Variants in TNNI1 observed in about 807,000 individuals in gnomAD.
TNNI1 encodes the protein troponin I1, slow skeletal type, also known as troponin I, slow skeletal muscle.
TNNI1 carries 14 observed loss-of-function variants against 26.7 expected under a neutral mutation model. That is an observed-to-expected ratio of 0.52 (90% CI 0.35 to 0.82). The LOEUF is 0.82. Among genes scored for constraint, TNNI1 ranks in the 40% least tolerant of loss-of-function variants. The pLI is 0.01. For synonymous variants in TNNI1, 79 were observed against 98.2 expected (o/e 0.80, Z 1.16); for missense variants, 164 against 257.0 (o/e 0.64, Z 2.47).
Position 201,404,390 on chromosome 1 carries a change from G to A in TNNI1, c.*4863C>T, listed in dbSNP as rs1282571216. 1.3e-5 allele frequency: 2 copies of A among 152,202 alleles called. No individual in the cohort carries two copies. The highest frequency in any genetic ancestry group is 4.8e-5 in the African/African-American group (2 of 41,452). The allele number at this position is 152,202 out of a possible 1,614,324, so 9.4% of individuals were successfully genotyped here. On this transcript the variant is annotated 3_prime_UTR_variant, in exon 9 of 9. Transcript: ENST00000361379. ...TTGTGGCACTCTTAGGGGAAGGGAA[G>A]AAATGAATGAGGTGATAAGACCCAC...
chr1:201,412,306 C>T (rs1255772515), intron 6 of TNNI1, among the ~76,000 whole-genome samples: 1 of 152,156 alleles, frequency 6.6e-6, no homozygotes, highest in Non-Finnish European at 1.5e-5. Context: ...GTCCTAGACC[C>T]CTGGAGGAAT....
intron 2 of TNNI1, 73 bp from the exon 3 acceptor site, chr1:201,417,192 T>C (rs2102373162): frequency 1.9e-6 from 3 of 1,603,764 alleles, no homozygotes; most frequent in South Asian, 2.2e-5. Context: ...GAGGATTACA[T>C]GTGCAGTCGC....
intron 3 of TNNI1, 92 bp downstream of exon 3, chr1:201,417,024 G>T (rs1314948802): frequency 2.3e-5 from 34 of 1,510,428 alleles, no homozygotes; most frequent in Non-Finnish European, 3.0e-5. Flanking sequence ...CTTAACACAG[G>T]CTCTTCCCTC....
At chr1:201,410,109 G>C in intron 8 of TNNI1, 1 of 501,208 alleles carries the variant, frequency 2.0e-6, no homozygotes. Context: ...TAGATAATGG[G>C]AACAAAAAGG....
rs1662703589 is a variant in TNNI1 at position 201,414,665 on chromosome 1, C to G, written c.58-16G>C. 6.2e-7 allele frequency: 1 copy of G among 1,609,452 alleles called. No individual in the cohort carries two copies. Among genetic ancestry groups the G allele is most frequent in the African/African-American group, 1.3e-5 (1 of 74,996 alleles). On this transcript the variant is annotated splice_polypyrimidine_tract_variant and intron_variant, in intron 4 of 8. Transcript: ENST00000361379. ...GCATCAGGCTCTGGACAGGACACAC[C>G]TGCTGAGCTGGGGGCCTCACATCTC...
chr1:201,416,713 A>G (rs1311442883), intron 3 of TNNI1, among the ~76,000 whole-genome samples: 3 of 152,244 alleles, frequency 2.0e-5, no homozygotes, highest in Admixed American at 6.5e-5. Context: ...GAATAACCCA[A>G]TGACTATCCC....
At chr1:201,410,111 A>C in intron 8 of TNNI1, 1 of 500,646 alleles carries the variant, frequency 2.0e-6, no homozygotes, top group Non-Finnish European at 3.6e-6. Context: ...GATAATGGGA[A>C]CAAAAAGGGC....
intron 5 of TNNI1, among the ~76,000 whole-genome samples, chr1:201,413,473 C>T (rs943289256): frequency 6.6e-6 from 1 of 151,046 alleles, no homozygotes; most frequent in South Asian, 2.1e-4. Context: ...TGGCTGGGCA[C>T]GGTGGCTCAT....
At chr1:201,409,773 C>T (rs2102369030) in intron 8 of TNNI1, 1 of 152,510 alleles carries the variant, frequency 6.6e-6, no homozygotes, top group Middle Eastern at 3.4e-3. Context: ...GTCTTAGCTT[C>T]TGTGAGTGGT....
At chr1:201,416,866 A>T (rs1365323758) in intron 3 of TNNI1, among the ~76,000 whole-genome samples, 1 of 152,082 alleles carries the variant, frequency 6.6e-6, no homozygotes, top group African/African-American at 2.4e-5. Flanking sequence ...CTGCTGCAAT[A>T]CCAGTCCTTC....
Position 201,417,123 on chromosome 1 carries a change from C to T in TNNI1, c.12-4G>A. 1 of 1,614,110 alleles carries T rather than the reference C, an allele frequency of 6.2e-7. No individual in the cohort carries two copies. The highest frequency in any genetic ancestry group is 1.3e-5 in the African/African-American group (1 of 75,024). Reference sequence around the variant, plus strand: ...ACCCCAAATATCACTTACCTCGCTTCAGGCATCCATCACAGGAAGGACGGG... The same window carrying T: ...ACCCCAAATATCACTTACCTCGCTTTAGGCATCCATCACAGGAAGGACGGG... On this transcript the variant is annotated splice_region_variant and splice_polypyrimidine_tract_variant and intron_variant, in intron 2 of 8. Transcript: ENST00000361379.
intron 3 of TNNI1, among the ~76,000 whole-genome samples, chr1:201,415,497 G>A (rs80107003): frequency 0.017 from 2,613 of 152,256 alleles, 75 homozygotes; most frequent in African/African-American, 0.061. Context: ...TGCTGCTGCT[G>A]AAATCTTGTA....
chr1:201,417,632 G>T, intron 2 of TNNI1, 151 bp downstream of exon 2: 1 of 592,422 alleles, frequency 1.7e-6, no homozygotes, highest in Non-Finnish European at 2.6e-6. Flanking sequence ...GCAGCACAGG[G>T]GAAACCATCA....
chr1:201,419,447 CCT>C (rs750895231), intron 1 of TNNI1, among the ~76,000 whole-genome samples: 19 of 152,078 alleles, frequency 1.2e-4, no homozygotes, highest in Non-Finnish European at 2.2e-4. Context: ...GCACAGGAGC[CCT>C]GAGCCAGGCT....
intron 3 of TNNI1, among the ~76,000 whole-genome samples, chr1:201,415,583 C>A (rs1163536707): frequency 1.3e-5 from 2 of 152,082 alleles, no homozygotes; most frequent in African/African-American, 2.4e-5. Flanking sequence ...GGACCCCCCC[C>A]CTTACTTAGT....
At chr1:201,414,319 C>T (rs1662695125) in intron 5 of TNNI1, among the ~76,000 whole-genome samples, 199 bp downstream of exon 5, 1 of 152,246 alleles carries the variant, frequency 6.6e-6, no homozygotes, top group African/African-American at 2.4e-5. Context: ...ATGCTCAGTT[C>T]AGTGCCCGTA....
At position 201,413,430 on chromosome 1, in the gene TNNI1, A is replaced by AAAAC. The variant is rs71138333; in HGVS notation, c.190-313_190-310dup. Among the ~76,000 whole-genome samples, 37 of 151,256 alleles carry AAAAC rather than the reference A, an allele frequency of 2.4e-4. 1 individual carries two copies. The highest frequency in any genetic ancestry group is 7.8e-4 in the African/African-American group (32 of 41,130). On this transcript the variant is annotated intron_variant, in intron 5 of 8. Coordinates refer to ENST00000361379, the MANE Select transcript of TNNI1 (RefSeq NM_003281.4). Reference sequence around the variant, plus strand: ...TGACAGAGCGAGACTCCGTCTCAAAAAAACAAACAAACAAACAAAAAACTA... The same window carrying AAAAC: ...TGACAGAGCGAGACTCCGTCTCAAAAAAACAAACAAACAAACAAACAAAAAACTA...
intron 1 of TNNI1, among the ~76,000 whole-genome samples, chr1:201,418,401 G>A (rs902090442): frequency 2.0e-5 from 3 of 151,386 alleles, no homozygotes; most frequent in African/African-American, 7.3e-5. Context: ...CCAGGAGGCG[G>A]AGGTTACAGT....
chr1:201,413,185 C>T, intron 5 of TNNI1, 64 bp from the exon 6 acceptor site: 1 of 1,575,494 alleles, frequency 6.3e-7, no homozygotes, highest in Non-Finnish European at 8.7e-7. Context: ...CAGTTTCCAG[C>T]CCTTGACCCT....
Sources: gnomAD v4.1 joint callset for allele counts (sites outside exome capture counted in the v4.1 genomes callset) on GRCh38, gnomAD v4.1.1 for gene constraint, MANE v1.5 for transcripts, NCBI Gene and HGNC (gene_info 2026-07-23, HGNC 2026-07-21) for gene names.